Variants in TNFSF4 observed in about 807,000 individuals in gnomAD.
TNFSF4 encodes the protein tumor necrosis factor ligand superfamily member 4.
A neutral mutation model predicts 7.3 loss-of-function variants in TNFSF4; 4 were observed. That is an observed-to-expected ratio of 0.55 (90% confidence interval 0.27 to 1.25). TNFSF4 has a LOEUF of 1.25. Among genes scored for constraint, TNFSF4 ranks in the 50% most tolerant of loss-of-function variants. The probability of loss-of-function intolerance (pLI) is 0.12; values close to 1 mark genes in which losing one functional copy is unlikely to be tolerated. For missense variants in TNFSF4, 181 were observed against 208.8 expected, an observed-to-expected ratio of 0.87 and a Z score of 0.82; for synonymous variants, 76 against 83.7, an observed-to-expected ratio of 0.91 and a Z score of 0.50.
the TNFSF4 span, among the ~76,000 whole-genome samples, chr1:173,212,585 A>C: frequency 1.3e-5 from 2 of 151,904 alleles, no homozygotes; most frequent in Non-Finnish European, 2.9e-5. Flanking sequence ...GTACAAAAAA[A>C]AAAAAAAGAA....
At chr1:173,265,517 C>G in the TNFSF4 span, among the ~76,000 whole-genome samples, 3 of 152,112 alleles carry the variant, frequency 2.0e-5, no homozygotes, top group Admixed American at 6.5e-5. Context: ...AAATGGAGAG[C>G]CTGCATAAAC....
the TNFSF4 span, among the ~76,000 whole-genome samples, chr1:173,240,394 A>G: frequency 6.6e-6 from 1 of 152,208 alleles, no homozygotes; most frequent in African/African-American, 2.4e-5. Context: ...TTTTTAAAAT[A>G]TATGGCATGT....
chr1:173,254,171 G>A, the TNFSF4 span, among the ~76,000 whole-genome samples: 1 of 152,212 alleles, frequency 6.6e-6, no homozygotes, highest in South Asian at 2.1e-4. Context: ...CTTTGTGCCT[G>A]ATAGAGATCT....
chr1:173,427,188 C>T, the TNFSF4 span, among the ~76,000 whole-genome samples: 1 of 152,188 alleles, frequency 6.6e-6, no homozygotes, highest in South Asian at 2.1e-4. Flanking sequence ...AATGGATTAG[C>T]ACTTGAAACG....
the TNFSF4 span, among the ~76,000 whole-genome samples, chr1:173,427,484 C>T: frequency 2.0e-5 from 3 of 152,066 alleles, no homozygotes; most frequent in Non-Finnish European, 2.9e-5. Context: ...TCAAGAAACC[C>T]TCTCTTACAG....
At chr1:173,359,362 TG>T in the TNFSF4 span, among the ~76,000 whole-genome samples, 3 of 151,760 alleles carry the variant, frequency 2.0e-5, no homozygotes, top group African/African-American at 7.3e-5. Flanking sequence ...TGATAGGCCC[TG>T]TGTTAGGTGT....
chr1:173,395,371 GTATATAATATATATATATATA>G, the TNFSF4 span, among the ~76,000 whole-genome samples: 3 of 76,480 alleles, frequency 3.9e-5, no homozygotes, highest in East Asian at 1.8e-3. Flanking sequence ...TGGTGACTGT[GTATATAATATATATATATATA>G]TATATATATA....
At chr1:173,424,712 T>C in the TNFSF4 span, among the ~76,000 whole-genome samples, 1 of 152,148 alleles carries the variant, frequency 6.6e-6, no homozygotes, top group Non-Finnish European at 1.5e-5. Context: ...ACTGCAACAT[T>C]AAGATAAAAA....
At chr1:173,259,561 A>G in the TNFSF4 span, among the ~76,000 whole-genome samples, 17 of 152,352 alleles carry the variant, frequency 1.1e-4, no homozygotes, top group South Asian at 3.5e-3. Context: ...CTAAAGGAGC[A>G]TGTTCTCATC....
the TNFSF4 span, among the ~76,000 whole-genome samples, chr1:173,337,354 G>A: frequency 6.6e-6 from 1 of 152,170 alleles, no homozygotes; most frequent in African/African-American, 2.4e-5. Context: ...AAGCCATAAA[G>A]TTGGGTGTGC....
the TNFSF4 span, among the ~76,000 whole-genome samples, chr1:173,279,246 C>T: frequency 1.3e-5 from 2 of 152,086 alleles, no homozygotes; most frequent in Admixed American, 1.3e-4. Context: ...CTTTTTGTGA[C>T]ATTAAATGCT....
chr1:173,237,244 C>T, the TNFSF4 span, among the ~76,000 whole-genome samples: 2 of 152,052 alleles, frequency 1.3e-5, no homozygotes, highest in Admixed American at 6.6e-5. Context: ...TTATTAGCAG[C>T]GTGAGAACAG....
intron 1 of TNFSF4, among the ~76,000 whole-genome samples, chr1:173,188,893 G>A (rs537171948): frequency 1.3e-5 from 2 of 151,892 alleles, no homozygotes; most frequent in Non-Finnish European, 2.9e-5. Flanking sequence ...TTGTTTTTTG[G>A]GGTTTTTGAG....
chr1:173,314,622 T>C, the TNFSF4 span, among the ~76,000 whole-genome samples: 8 of 152,306 alleles, frequency 5.3e-5, 1 homozygote, highest in Admixed American at 2.6e-4. Context: ...ATCTCTATTT[T>C]CTTTCTAGTA....
intron 1 of TNFSF4, among the ~76,000 whole-genome samples, chr1:173,199,512 C>T (rs1206239369): frequency 6.6e-6 from 1 of 152,126 alleles, no homozygotes; most frequent in African/African-American, 2.4e-5. Flanking sequence ...AGCAATACAG[C>T]TACAAGTCAA....
At chr1:173,374,762 G>A in the TNFSF4 span, among the ~76,000 whole-genome samples, 2 of 152,054 alleles carry the variant, frequency 1.3e-5, no homozygotes, top group South Asian at 4.1e-4. Context: ...ACTATATACT[G>A]TGGCTCCTGC....
chr1:173,210,453 C>T (rs1650335099), upstream of TNFSF4, among the ~76,000 whole-genome samples: 1 of 152,044 alleles, frequency 6.6e-6, no homozygotes. Context: ...GGCAGTGGAG[C>T]CTGTTTGTGC....
the TNFSF4 span, among the ~76,000 whole-genome samples, chr1:173,368,120 A>T: frequency 6.6e-6 from 1 of 152,198 alleles, no homozygotes; most frequent in Non-Finnish European, 1.5e-5. Context: ...GGATTGAAAA[A>T]GTCACTCTAA....
At chr1:173,386,035 A>C in the TNFSF4 span, among the ~76,000 whole-genome samples, 2 of 152,128 alleles carry the variant, frequency 1.3e-5, no homozygotes, top group Non-Finnish European at 2.9e-5. Context: ...AAGACAAGGG[A>C]AAAAGGACCC....
Sources: allele counts gnomAD v4.1 joint callset (sites outside exome capture counted in the v4.1 genomes callset), GRCh38; gene constraint gnomAD v4.1.1; transcripts MANE v1.5; gene names NCBI Gene and HGNC (gene_info 2026-07-23, HGNC 2026-07-21).